NFATC2: variants seen among roughly 807,000 people sequenced by gnomAD.
The protein encoded by NFATC2 is nuclear factor of activated T-cells, cytoplasmic 2.
Under a neutral mutation model 87.3 loss-of-function variants are expected in NFATC2, and 22 were observed. The observed-to-expected ratio is 0.25, with a 90% CI of 0.18 to 0.36. The LOEUF (loss-of-function observed/expected upper bound fraction) is 0.36, where lower values mean the gene tolerates loss of function less well. NFATC2 is among the 10% of genes least tolerant of loss of function. The pLI, the probability that NFATC2 is intolerant of heterozygous loss-of-function variation, is 1.00. For missense variants in NFATC2, 1,149 were observed against 1,259.1 expected (o/e 0.91, Z 1.32); for synonymous variants, 565 against 542.2 (o/e 1.04, Z -0.58).
intron 6 of NFATC2, among the ~76,000 whole-genome samples, chr20:51,440,834 G>A (rs1984227100): frequency 6.6e-6 from 1 of 152,220 alleles, no homozygotes; most frequent in African/African-American, 2.4e-5. Context: ...TAAGGGAAGT[G>A]TGCGGTTTGC....
intron 5 of NFATC2, 137 bp downstream of exon 5, chr20:51,473,843 G>T: frequency 1.3e-6 from 1 of 791,014 alleles, no homozygotes; most frequent in Non-Finnish European, 2.0e-6. Context: ...TGGTCATCTT[G>T]GGCCAGTGTA....
chr20:51,525,717 C>T (rs907313639), intron 1 of NFATC2, among the ~76,000 whole-genome samples: 1 of 152,106 alleles, frequency 6.6e-6, no homozygotes, highest in Non-Finnish European at 1.5e-5. Context: ...ATCGCATCCA[C>T]CCTGGTCCAA....
At chr20:51,528,635 C>A (rs933028035) in intron 1 of NFATC2, among the ~76,000 whole-genome samples, 2 of 152,144 alleles carry the variant, frequency 1.3e-5, no homozygotes, top group African/African-American at 4.8e-5. Flanking sequence ...AGTGGCATGG[C>A]AGAAAGGAGA....
intron 9 of NFATC2, among the ~76,000 whole-genome samples, chr20:51,400,731 C>T (rs757070073): frequency 1.3e-5 from 2 of 152,212 alleles, no homozygotes; most frequent in African/African-American, 4.8e-5. Context: ...GGTGGCTACT[C>T]GCTCTGCCTT....
chr20:51,525,963 A>G (rs1480351909), intron 1 of NFATC2, among the ~76,000 whole-genome samples: 1 of 146,400 alleles, frequency 6.8e-6, no homozygotes, highest in Non-Finnish European at 1.5e-5. Flanking sequence ...TGAGTCAGCA[A>G]CAACCCCTCC....
chr20:51,512,293 C>T (rs753491829), intron 3 of NFATC2, among the ~76,000 whole-genome samples: 53 of 152,232 alleles, frequency 3.5e-4, no homozygotes, highest in Non-Finnish European at 6.3e-4. Flanking sequence ...TCAGCCATCA[C>T]GTCCCACCGT....
At chr20:51,515,756 T>C (rs142530174) in intron 3 of NFATC2, among the ~76,000 whole-genome samples, 107 of 152,078 alleles carry the variant, frequency 7.0e-4, no homozygotes, top group African/African-American at 2.5e-3. Context: ...TAATCAGAGG[T>C]ACACACCCAA....
At chr20:51,562,789 C>A (rs1276140131), upstream of NFATC2, 3 of 599,860 alleles carry the variant, frequency 5.0e-6, no homozygotes, top group African/African-American at 1.9e-5. This position sits in a 1 kb window ranked among gnomAD's most constrained non-coding sequence, Gnocchi z 5.8. Flanking sequence ...CGGCTCCCGG[C>A]TCGGCGGAGT....
At position 51,463,406 on chromosome 20, in the gene NFATC2, A is replaced by G. The variant is rs80003696; in HGVS notation, c.1709-8718T>C. On this transcript the variant is annotated intron_variant, in intron 5 of 10. Coordinates refer to ENST00000371564, the MANE Select transcript of NFATC2 (RefSeq NM_012340.5). The stretch of plus-strand genomic sequence containing the variant: ...GGGGCCTCAGCTTCAGCTTTCTCAT[A>G]TGGAGAAATGCAGCAGCACGGCCCC... Among the ~76,000 whole-genome samples, 1,251 of 152,298 alleles carry G rather than the reference A, an allele frequency of 8.2e-3. 7 individuals are homozygous for G. Among genetic ancestry groups the G allele is most frequent in the Middle Eastern group, 0.034 (10 of 294 alleles).
intron 3 of NFATC2, among the ~76,000 whole-genome samples, chr20:51,494,816 C>T (rs900039787): frequency 7.9e-5 from 12 of 152,150 alleles, no homozygotes; most frequent in South Asian, 2.1e-4. Context: ...ATTGAATCCC[C>T]GGTAAAACCC....
At chr20:51,454,783 T>C in intron 5 of NFATC2, 95 bp from the exon 6 acceptor site, 2 of 1,351,538 alleles carry the variant, frequency 1.5e-6, no homozygotes, top group Non-Finnish European at 1.0e-6. Context: ...TGACATGCTC[T>C]GCCCACCTGT....
chr20:51,547,103 G>A (rs1297995738), upstream of NFATC2, among the ~76,000 whole-genome samples: 2 of 152,140 alleles, frequency 1.3e-5, no homozygotes, highest in East Asian at 3.8e-4. Context: ...GGCAGCACAT[G>A]ACAGAATCAT....
intron 1 of NFATC2, among the ~76,000 whole-genome samples, chr20:51,531,092 A>G (rs909599511): frequency 6.6e-6 from 1 of 152,234 alleles, no homozygotes; most frequent in Non-Finnish European, 1.5e-5. Flanking sequence ...CTGGATGCCA[A>G]TAGCAGCTGC....
chr20:51,482,585 C>G (rs1003758098), intron 3 of NFATC2, among the ~76,000 whole-genome samples: 2 of 152,216 alleles, frequency 1.3e-5, no homozygotes, highest in East Asian at 3.9e-4. Context: ...ATATGTGATG[C>G]TTTAATATGT....
chr20:51,477,561 A>G (rs1988839347), intron 3 of NFATC2, among the ~76,000 whole-genome samples: 2 of 124,022 alleles, frequency 1.6e-5, no homozygotes, highest in Middle Eastern at 4.1e-3. Context: ...ATATATATAT[A>G]TATATATATA....
At chr20:51,453,198 G>A (rs1159645879) in intron 6 of NFATC2, among the ~76,000 whole-genome samples, 2 of 152,196 alleles carry the variant, frequency 1.3e-5, no homozygotes, top group South Asian at 2.1e-4. Flanking sequence ...GTCACACCCC[G>A]GTCACATGTC....
At chr20:51,519,643 C>T (rs923522868) in intron 2 of NFATC2, among the ~76,000 whole-genome samples, 6 of 147,892 alleles carry the variant, frequency 4.1e-5, no homozygotes, top group African/African-American at 7.5e-5. Context: ...AGACCGGGTG[C>T]GGTGGCTCAC....
At chr20:51,487,672 G>A (rs1011229877) in intron 3 of NFATC2, among the ~76,000 whole-genome samples, 2 of 152,274 alleles carry the variant, frequency 1.3e-5, no homozygotes, top group Middle Eastern at 3.4e-3. Context: ...GGAAATGCAG[G>A]ACAGCCGGCC....
At chr20:51,487,001 C>T (rs977225643) in intron 3 of NFATC2, among the ~76,000 whole-genome samples, 1 of 152,102 alleles carries the variant, frequency 6.6e-6, no homozygotes, top group African/African-American at 2.4e-5. Flanking sequence ...ATGGAGATGG[C>T]GAGGGAAAAG....
Sources: allele counts gnomAD v4.1 joint callset (sites outside exome capture counted in the v4.1 genomes callset), GRCh38; gene constraint gnomAD v4.1.1; non-coding constraint Gnocchi (gnomAD v3.1); transcripts MANE v1.5; gene names NCBI Gene and HGNC (gene_info 2026-07-23, HGNC 2026-07-21).